The following KLKB1 variants were observed in gnomAD, a reference collection of about 807,000 sequenced individuals.
KLKB1 encodes kallikrein B1.
KLKB1 carries 58 observed loss-of-function variants against 73.6 expected under a neutral mutation model. The ratio of observed to expected loss-of-function variants is 0.79; its 90% confidence interval spans 0.64 to 0.98. The LOEUF (loss-of-function observed/expected upper bound fraction) is 0.98, where lower values mean the gene tolerates loss of function less well. KLKB1 is among the 50% of genes least tolerant of loss of function. The pLI is 0.00. For missense variants in KLKB1, 737 were observed against 763.8 expected, an observed-to-expected ratio of 0.96 and a Z score of 0.41; for synonymous variants, 280 against 258.1, an observed-to-expected ratio of 1.08 and a Z score of -0.81.
At chr4:186,222,280 G>A (rs931081580), upstream of KLKB1, among the ~76,000 whole-genome samples, 4 of 152,238 alleles carry the variant, frequency 2.6e-5, no homozygotes, top group East Asian at 1.9e-4. Context: ...GTAGGTAAAG[G>A]CTTACTACTA....
upstream of KLKB1, among the ~76,000 whole-genome samples, chr4:186,225,385 C>T (rs1238092251): frequency 6.7e-6 from 1 of 149,426 alleles, no homozygotes; most frequent in Non-Finnish European, 1.5e-5. Context: ...TTTTCTCTTG[C>T]TTCTTTGAAA....
chr4:186,244,800 G>C (rs1220535362), intron 6 of KLKB1, among the ~76,000 whole-genome samples: 1 of 152,222 alleles, frequency 6.6e-6, no homozygotes, highest in Non-Finnish European at 1.5e-5. Context: ...AGGCCACGCT[G>C]TAACAGGTGA....
In KLKB1 at chr4:186,242,108, G is replaced by A. The variant is rs1444415436; in HGVS notation, c.598+3743G>A. ...GTTTTATAGGATTTGGGTAGGTAGT[G>A]GAAAATTACAGTCAAAGGGGGTTGT... On this transcript the variant is annotated intron_variant, in intron 6 of 14. Coordinates refer to ENST00000264690, the MANE Select transcript of KLKB1 (RefSeq NM_000892.5). 3.3e-5 allele frequency among the ~76,000 whole-genome samples: 5 copies of A among 151,516 alleles called. 1 individual carries two copies. Among genetic ancestry groups the A allele is most frequent in the Admixed American group, 2.6e-4 (4 of 15,178 alleles).
intron 11 of KLKB1, 98 bp downstream of exon 11, chr4:186,252,283 G>C: frequency 7.6e-7 from 1 of 1,320,430 alleles, no homozygotes; most frequent in South Asian, 1.2e-5. Context: ...TTTATGAATA[G>C]AGACGTGTTA....
In KLKB1 at chr4:186,251,647, G is replaced by A. The variant is rs1310066194; in HGVS notation, c.1029G>A (p.Glu343=). The A allele has an allele frequency of 6.2e-7, 1 of 1,613,734 alleles. No individual in the cohort carries two copies. Among genetic ancestry groups the A allele is most frequent in the East Asian group, 2.2e-5 (1 of 44,878 alleles). The change falls in exon 9 of 15, where the codon GAG becomes GAA. Residue 343 remains glutamate (E), a splice_region_variant and synonymous_variant. Coordinates refer to ENST00000264690, the MANE Select transcript of KLKB1 (RefSeq NM_000892.5). ...YSLLPEDCKE[E]KCKCFLRLSM... The stretch of plus-strand genomic sequence containing the variant: ...TACTCCCAGAAGACTGTAAGGAAGA[G>A]AAGTAAAGGAAATTTTATTTTTCAA...
chr4:186,254,843 C>G (rs1738901458), intron 12 of KLKB1, 80 bp downstream of exon 12: 2 of 1,265,980 alleles, frequency 1.6e-6, no homozygotes, highest in Non-Finnish European at 2.3e-6. Flanking sequence ...AGAGGGCAGA[C>G]CTAGAGAGAC....
intron 2 of KLKB1, chr4:186,212,912 A>C (rs1177838669): frequency 6.6e-6 from 1 of 152,236 alleles, no homozygotes; most frequent in Non-Finnish European, 1.5e-5. Flanking sequence ...ATACAATTGG[A>C]AATATTCCCA....
chr4:186,233,812 TG>T, intron 3 of KLKB1, 139 bp from the exon 4 acceptor site: 1 of 673,014 alleles, frequency 1.5e-6, no homozygotes, highest in East Asian at 2.7e-5. Flanking sequence ...GCTCTAAGAG[TG>T]TTCTTTCCAG....
At chr4:186,218,082 G>A (rs550934177) in intron 2 of KLKB1, among the ~76,000 whole-genome samples, 1 of 152,330 alleles carries the variant, frequency 6.6e-6, no homozygotes, top group South Asian at 2.1e-4. Flanking sequence ...GGCCATGGCT[G>A]TGTTTCAATA....
chr4:186,258,268 G>A lies in KLKB1; in HGVS notation c.*56G>A. The A allele has an allele frequency of 1.4e-6, 2 of 1,460,642 alleles. No homozygotes were observed. Among genetic ancestry groups the A allele is most frequent in the Non-Finnish European group, 1.9e-6 (2 of 1,054,624 alleles). The allele number at this position is 1,460,642 out of a possible 1,614,324, so 90.5% of individuals were successfully genotyped here. Reference sequence around the variant, plus strand: ...AACCTGAGTTCAAGTCAAATTCTGAGCCTGGGGGGTCCTCATCTGCAAAGC... The same window carrying A: ...AACCTGAGTTCAAGTCAAATTCTGAACCTGGGGGGTCCTCATCTGCAAAGC... On this transcript the variant is annotated 3_prime_UTR_variant, in exon 15 of 15. Transcript: ENST00000264690.
At chr4:186,247,231 A>C (rs1738399921) in intron 6 of KLKB1, among the ~76,000 whole-genome samples, 1 of 152,162 alleles carries the variant, frequency 6.6e-6, no homozygotes, top group African/African-American at 2.4e-5. Context: ...ACGTGTGTCC[A>C]TGCGAAGAGA....
At chr4:186,234,844 A>G (rs1423421406) in intron 4 of KLKB1, among the ~76,000 whole-genome samples, 2 of 152,254 alleles carry the variant, frequency 1.3e-5, no homozygotes, top group Non-Finnish European at 2.9e-5. Flanking sequence ...ACTGATAAGA[A>G]AGTGAAAAGT....
At chr4:186,256,169 C>A in intron 13 of KLKB1, 82 bp downstream of exon 13, 1 of 827,846 alleles carries the variant, frequency 1.2e-6, no homozygotes, top group Non-Finnish European at 2.1e-6. Context: ...TAATCGGTTT[C>A]TGTCTGAAAT....
chr4:186,218,648 G>C (rs1019939519), intron 2 of KLKB1, among the ~76,000 whole-genome samples: 6 of 143,350 alleles, frequency 4.2e-5, no homozygotes, highest in Non-Finnish European at 7.6e-5. Context: ...GTGTGTGTGT[G>C]TGTGCGCATG....
chr4:186,232,097 C>G, intron 2 of KLKB1, 30 bp from the exon 3 acceptor site: 1 of 1,561,716 alleles, frequency 6.4e-7, no homozygotes, highest in Non-Finnish European at 8.7e-7. Context: ...TATGAATTAT[C>G]GCAAATTAAT....
chr4:186,257,479 G>A, intron 14 of KLKB1, 114 bp downstream of exon 14: 1 of 854,906 alleles, frequency 1.2e-6, no homozygotes, highest in Non-Finnish European at 1.7e-6. Context: ...AGAGACAAAT[G>A]ATCTGATAAA....
rs1468887014 is a variant in KLKB1, at chr4:186,258,220, T to G, written c.*8T>G. The G allele has an allele frequency of 6.2e-7, 1 of 1,612,590 alleles. No homozygotes were observed. The highest frequency in any genetic ancestry group is 8.5e-7 in the Non-Finnish European group (1 of 1,179,254). On this transcript the variant is annotated 3_prime_UTR_variant, in exon 15 of 15. Transcript: ENST00000264690. ...ATGCAGTCACCAGCATGAGAAGCAG[T>G]CCAGAGTCTAGGCAATTTTTACAAC...
chr4:186,254,856 T>C (rs1738902811), intron 12 of KLKB1, 93 bp downstream of exon 12: 1 of 1,166,118 alleles, frequency 8.6e-7, no homozygotes, highest in Middle Eastern at 2.0e-4. Context: ...AGAGAGACTG[T>C]CGTCGTTTTC....
chr4:186,257,178 G>A (rs1261676529), intron 13 of KLKB1, 48 bp from the exon 14 acceptor site: 6 of 1,011,182 alleles, frequency 5.9e-6, no homozygotes, highest in Non-Finnish European at 8.6e-6. Context: ...TATTATTTAA[G>A]TTATTATTAT....
Sources: gnomAD v4.1 joint callset for allele counts (sites outside exome capture counted in the v4.1 genomes callset) on GRCh38, gnomAD v4.1.1 for gene constraint, MANE v1.5 for transcripts, NCBI Gene and HGNC (gene_info 2026-07-23, HGNC 2026-07-21) for gene names.